SLC2A13: variants seen among roughly 807,000 people sequenced by gnomAD.
The protein encoded by SLC2A13 is proton myo-inositol cotransporter.
In SLC2A13, 32 loss-of-function variants were observed where a neutral mutation model predicts 64.4. The ratio of observed to expected loss-of-function variants is 0.50; its 90% confidence interval spans 0.37 to 0.67. The LOEUF is 0.67. Ranked by LOEUF, SLC2A13 falls within the 30% of genes least tolerant of loss-of-function variation. The pLI, the probability that SLC2A13 is intolerant of heterozygous loss-of-function variation, is 0.00. For synonymous variants in SLC2A13, 338 were observed against 327.1 expected (o/e 1.03, Z -0.36); for missense variants, 743 against 829.2 (o/e 0.90, Z 1.28).
At chr12:40,086,687 C>G (rs1938596711) in intron 1 of SLC2A13, among the ~76,000 whole-genome samples, 1 of 152,146 alleles carries the variant, frequency 6.6e-6, no homozygotes, top group Non-Finnish European at 1.5e-5. Context: ...TTGTTGTCTC[C>G]TATCCACAAG....
chr12:39,956,602 A>G (rs1166262251), intron 3 of SLC2A13, among the ~76,000 whole-genome samples: 2 of 152,152 alleles, frequency 1.3e-5, no homozygotes, highest in Non-Finnish European at 2.9e-5. Context: ...TCCCTTAAGT[A>G]AGAACACAAG....
chr12:39,989,136 TCA>T (rs1947087613), intron 3 of SLC2A13, among the ~76,000 whole-genome samples: 1 of 152,130 alleles, frequency 6.6e-6, no homozygotes, highest in Non-Finnish European at 1.5e-5. Context: ...GCCTAAATCC[TCA>T]CAGTCCCTAC....
Position 40,105,368 on chromosome 12 carries a change from G to A in SLC2A13, c.441C>T (p.Arg147=). Reference sequence around the variant, plus strand: ...CACTGGCCAGGAGGATGGCAGCGCGGCGGCCGAAGACGCCGTTGAGGGCGC... The same window carrying A: ...CACTGGCCAGGAGGATGGCAGCGCGACGGCCGAAGACGCCGTTGAGGGCGC... The part of the protein sequence containing the change: ...AGGALNGVFG[R]RAAILLASAL... Residue 147 remains arginine (R), a synonymous_variant, in exon 1 of 10, where the codon CGC becomes CGT. Coordinates refer to ENST00000280871, the MANE Select transcript of SLC2A13 (RefSeq NM_052885.4). The surrounding 1 kb of genome is among the most constrained non-coding windows in gnomAD (Gnocchi z 4.2). 6.3e-7 allele frequency: 1 copy of A among 1,577,282 alleles called. No individual in the cohort carries two copies. Among genetic ancestry groups the A allele is most frequent in the Middle Eastern group, 1.8e-4 (1 of 5,448 alleles).
chr12:39,932,908 A>C (rs1945853088), intron 4 of SLC2A13, among the ~76,000 whole-genome samples: 1 of 152,076 alleles, frequency 6.6e-6, no homozygotes, highest in South Asian at 2.1e-4. Context: ...GATGGGGGAC[A>C]AGCAGGCACA....
intron 7 of SLC2A13, among the ~76,000 whole-genome samples, chr12:39,801,012 C>T (rs1240607294): frequency 1.1e-4 from 2 of 18,356 alleles, no homozygotes; most frequent in Non-Finnish European, 2.4e-4. Flanking sequence ...AACCAAACAC[C>T]GCATATTCTC....
At chr12:40,029,842 T>C (rs930171510) in intron 2 of SLC2A13, among the ~76,000 whole-genome samples, 3 of 152,200 alleles carry the variant, frequency 2.0e-5, no homozygotes, top group African/African-American at 4.8e-5. Flanking sequence ...TCTTACGCTT[T>C]AGGCCATGGA....
chr12:40,066,890 T>G (rs948450680), intron 1 of SLC2A13, among the ~76,000 whole-genome samples: 1 of 152,194 alleles, frequency 6.6e-6, no homozygotes, highest in African/African-American at 2.4e-5. Flanking sequence ...GCTTTTTTTC[T>G]CAAATTATGA....
chr12:39,942,547 G>T (rs938097136), intron 4 of SLC2A13, among the ~76,000 whole-genome samples: 1 of 152,130 alleles, frequency 6.6e-6, no homozygotes, highest in African/African-American at 2.4e-5. Flanking sequence ...CTACTGATTT[G>T]TGTATATTAA....
chr12:39,895,514 TTATATATATATA>T (rs777418112), intron 4 of SLC2A13, among the ~76,000 whole-genome samples: 12,706 of 56,652 alleles, frequency 0.22, 1,479 homozygotes, highest in Middle Eastern at 0.29. Flanking sequence ...AAAAAAAAAA[TTATATATATATA>T]TATATATATA....
At chr12:39,949,783 C>T (rs2136099192) in intron 4 of SLC2A13, 1 of 152,306 alleles carries the variant, frequency 6.6e-6, no homozygotes, top group East Asian at 1.9e-4. Context: ...TTAGGTTGGT[C>T]AACTAACGAA....
At position 39,871,487 on chromosome 12, in the gene SLC2A13, A is replaced by G. The variant is rs565497963; in HGVS notation, c.1198+311T>C. 4.0e-3 allele frequency among the ~76,000 whole-genome samples: 58 copies of G among 14,430 alleles called. No individual in the cohort carries two copies. The East Asian group carries it at 0.15, about 37-fold the overall frequency. The allele number at this position is 14,430 out of a possible 152,430, so 9.5% of individuals were successfully genotyped here. ...TTTTAGTTTTTCAAAAAAGGATAGAAAAAAAAAACAATTATTTTTTTTCAC... is the reference window on the plus strand; with the variant it reads ...TTTTAGTTTTTCAAAAAAGGATAGAGAAAAAAAACAATTATTTTTTTTCAC... On this transcript the variant is annotated intron_variant, in intron 5 of 9. Transcript: ENST00000280871.
intron 6 of SLC2A13, among the ~76,000 whole-genome samples, chr12:39,861,988 C>T (rs1592216339): frequency 6.6e-6 from 1 of 152,246 alleles, no homozygotes; most frequent in Middle Eastern, 3.4e-3. Context: ...AGGTATTAAG[C>T]CCCGCATGCA....
intron 7 of SLC2A13, among the ~76,000 whole-genome samples, chr12:39,777,891 G>A (rs1474891104): frequency 1.3e-5 from 2 of 152,322 alleles, no homozygotes; most frequent in East Asian, 1.9e-4. Flanking sequence ...ACAGAGGCAA[G>A]ATCCCTAGGA....
intron 3 of SLC2A13, among the ~76,000 whole-genome samples, chr12:39,986,823 T>C (rs1469374008): frequency 1.3e-5 from 2 of 152,024 alleles, no homozygotes; most frequent in African/African-American, 4.8e-5. Flanking sequence ...ACAGTCTGAG[T>C]TGGCATGAAG....
intron 3 of SLC2A13, among the ~76,000 whole-genome samples, chr12:40,019,012 G>A (rs1947665867): frequency 6.6e-6 from 1 of 152,130 alleles, no homozygotes; most frequent in Non-Finnish European, 1.5e-5. Context: ...AAGAGGAGAG[G>A]GACATGATCC....
intron 4 of SLC2A13, among the ~76,000 whole-genome samples, chr12:39,919,107 AG>A (rs1169886463): frequency 1.3e-5 from 2 of 151,840 alleles, no homozygotes; most frequent in Non-Finnish European, 2.9e-5. Context: ...CAGTCTCCCA[AG>A]TCACTGGGAC....
At chr12:40,053,604 A>C (rs1032323486) in intron 1 of SLC2A13, among the ~76,000 whole-genome samples, 8 of 152,162 alleles carry the variant, frequency 5.3e-5, no homozygotes, top group Admixed American at 3.9e-4. Flanking sequence ...CCCTGCCACT[A>C]TTGCCTGCTA....
chr12:40,074,045 T>C (rs1010188004), intron 1 of SLC2A13, among the ~76,000 whole-genome samples: 7 of 152,120 alleles, frequency 4.6e-5, no homozygotes, highest in Non-Finnish European at 8.8e-5. Flanking sequence ...TCCGTTATGG[T>C]TTGTTTACTC....
chr12:39,843,877 G>T (rs1027713090), intron 6 of SLC2A13, among the ~76,000 whole-genome samples: 15 of 151,958 alleles, frequency 9.9e-5, no homozygotes, highest in African/African-American at 3.6e-4. Flanking sequence ...ATATCATCCT[G>T]GTTCTGAGCT....
Sources: gnomAD v4.1 joint callset for allele counts (sites outside exome capture counted in the v4.1 genomes callset) on GRCh38, gnomAD v4.1.1 for gene constraint, Gnocchi (gnomAD v3.1) non-coding constraint, MANE v1.5 for transcripts, NCBI Gene and HGNC (gene_info 2026-07-23, HGNC 2026-07-21) for gene names.